The following TTC28 variants were observed in gnomAD, a reference collection of about 807,000 sequenced individuals.
The protein encoded by TTC28 is tetratricopeptide repeat protein 28.
Under a neutral mutation model 198.0 loss-of-function variants are expected in TTC28, and 61 were observed. The ratio of observed to expected loss-of-function variants is 0.31; its 90% CI spans 0.25 to 0.38. TTC28 has a LOEUF of 0.38. TTC28 is among the 10% of genes least tolerant of loss of function. The probability of loss-of-function intolerance (pLI) is 1.00; values close to 1 mark genes in which losing one functional copy is unlikely to be tolerated. For synonymous variants in TTC28, 1,171 were observed against 1,297.8 expected (o/e 0.90, Z 2.10); for missense variants, 2,678 against 3,164.0 (o/e 0.85, Z 3.69).
At chr22:28,649,279 C>G (rs2051529410) in intron 1 of TTC28, among the ~76,000 whole-genome samples, 2 of 152,320 alleles carry the variant, frequency 1.3e-5, no homozygotes, top group Non-Finnish European at 2.9e-5. Context: ...GTACACCACT[C>G]TGGTGATGAC....
chr22:28,557,522 T>G (rs2145982772), intron 2 of TTC28, among the ~76,000 whole-genome samples: 1 of 152,370 alleles, frequency 6.6e-6, no homozygotes, highest in Middle Eastern at 3.4e-3. Context: ...TTTCAAATCT[T>G]CTTGGTCATA....
At chr22:28,508,270 CTTTA>C (rs1453604029) in intron 2 of TTC28, among the ~76,000 whole-genome samples, 3 of 151,924 alleles carry the variant, frequency 2.0e-5, no homozygotes, top group African/African-American at 2.4e-5. Flanking sequence ...ACAAAACACA[CTTTA>C]TTTATTTATT....
At chr22:28,011,779 G>A (rs1470915492) in intron 14 of TTC28, among the ~76,000 whole-genome samples, 25 of 152,052 alleles carry the variant, frequency 1.6e-4, no homozygotes, top group Admixed American at 1.6e-3. Context: ...TTTCAAAGAG[G>A]AGGTGACACC....
intron 1 of TTC28, among the ~76,000 whole-genome samples, chr22:28,649,511 T>C (rs1300669928): frequency 6.6e-6 from 1 of 152,220 alleles, no homozygotes; most frequent in African/African-American, 2.4e-5. Context: ...CTGCATTGAC[T>C]TGTTAATTTC....
intron 2 of TTC28, among the ~76,000 whole-genome samples, chr22:28,420,713 C>T (rs1291730787): frequency 6.6e-6 from 1 of 152,028 alleles, no homozygotes; most frequent in East Asian, 1.9e-4. Flanking sequence ...GATTCTCGTG[C>T]CTCTGCCTCC....
chr22:28,657,923 G>A (rs778612216), intron 1 of TTC28, among the ~76,000 whole-genome samples: 20 of 152,020 alleles, frequency 1.3e-4, no homozygotes, highest in Non-Finnish European at 2.9e-4. Flanking sequence ...ATATGCTGGG[G>A]TTGAAAATAC....
At chr22:28,388,200 C>G (rs1287811650) in intron 2 of TTC28, among the ~76,000 whole-genome samples, 1 of 152,130 alleles carries the variant, frequency 6.6e-6, no homozygotes, top group Non-Finnish European at 1.5e-5. Flanking sequence ...TTCCATTGAT[C>G]TATATCTCTG....
At chr22:27,997,568 T>G (rs1937574518) in intron 16 of TTC28, 1 of 152,234 alleles carries the variant, frequency 6.6e-6, no homozygotes, top group Admixed American at 6.5e-5. Context: ...AAATAGGATT[T>G]TTGGTGTTCC....
intron 12 of TTC28, among the ~76,000 whole-genome samples, chr22:28,076,438 A>T (rs976731474): frequency 1.3e-5 from 2 of 152,162 alleles, no homozygotes; most frequent in Non-Finnish European, 2.9e-5. Context: ...TTTGCTTAAA[A>T]ACCCCTGCTT....
At chr22:28,147,644 G>C (rs76588851) in intron 6 of TTC28, among the ~76,000 whole-genome samples, 1,748 of 152,262 alleles carry the variant, frequency 0.011, 31 homozygotes, top group African/African-American at 0.04. Context: ...TCTTTGACAA[G>C]TTAACCTCTC....
intron 2 of TTC28, among the ~76,000 whole-genome samples, chr22:28,577,202 A>C (rs570514767): frequency 1.1e-4 from 17 of 152,102 alleles, no homozygotes; most frequent in Non-Finnish European, 5.9e-5. Flanking sequence ...GAAATTTTTT[A>C]ATTTCTTTCT....
At chr22:28,059,563 C>CT (rs1940428114) in intron 12 of TTC28, among the ~76,000 whole-genome samples, 1 of 151,968 alleles carries the variant, frequency 6.6e-6, no homozygotes, top group Non-Finnish European at 1.5e-5. Context: ...TTTGTATCAT[C>CT]TATGTTTTAC....
intron 1 of TTC28, among the ~76,000 whole-genome samples, chr22:28,642,047 C>T (rs1227988521): frequency 6.6e-6 from 1 of 152,048 alleles, no homozygotes; most frequent in African/African-American, 2.4e-5. Context: ...ATACATGACA[C>T]ACCATATCAA....
chr22:28,588,096 C>A (rs1316981062), intron 2 of TTC28, among the ~76,000 whole-genome samples: 3 of 150,866 alleles, frequency 2.0e-5, no homozygotes, highest in African/African-American at 7.3e-5. Flanking sequence ...GAGCTGAGAT[C>A]GCACCACTGC....
intron 2 of TTC28, among the ~76,000 whole-genome samples, chr22:28,320,255 A>G (rs2045424573): frequency 6.6e-6 from 1 of 151,030 alleles, no homozygotes; most frequent in South Asian, 2.1e-4. Flanking sequence ...TGTTCAGGTA[A>G]TTCTCTAGGT....
intron 6 of TTC28, among the ~76,000 whole-genome samples, chr22:28,159,658 CAAAA>C (rs135652): frequency 1.4e-5 from 1 of 70,096 alleles, no homozygotes. Flanking sequence ...GACTCTGTCT[CAAAA>C]AAAAAAAAAA....
chr22:28,533,825 A>C (rs990199176), intron 2 of TTC28, among the ~76,000 whole-genome samples: 4 of 152,258 alleles, frequency 2.6e-5, no homozygotes, highest in Non-Finnish European at 5.9e-5. Context: ...TTCCCTATTT[A>C]ATAAATGGTG....
At position 28,117,711 on chromosome 22, in the gene TTC28, C is replaced by T. The variant is rs531522314; in HGVS notation, c.1442-9308G>A. On this transcript the variant is annotated intron_variant, in intron 6 of 22. Transcript: ENST00000397906. ...GCTGTACAATTGTATTGATACCATACATTTTGTCACCAGAACCCCCCTATT... is the reference window on the plus strand; with the variant it reads ...GCTGTACAATTGTATTGATACCATATATTTTGTCACCAGAACCCCCCTATT... Among the ~76,000 whole-genome samples the T allele has an allele frequency of 2.0e-4, 31 of 152,312 alleles. 1 individual carries two copies. In the South Asian group the frequency reaches 6.2e-3, roughly 31 times the overall value.
chr22:28,147,800 T>C (rs1428208950), intron 6 of TTC28, among the ~76,000 whole-genome samples: 1 of 152,222 alleles, frequency 6.6e-6, no homozygotes, highest in Non-Finnish European at 1.5e-5. Flanking sequence ...CATTCCTTTA[T>C]CATTATTATT....
Sources: allele counts gnomAD v4.1 joint callset (sites outside exome capture counted in the v4.1 genomes callset), GRCh38; gene constraint gnomAD v4.1.1; transcripts MANE v1.5; gene names NCBI Gene and HGNC (gene_info 2026-07-23, HGNC 2026-07-21).